Variants in TEAD1 observed in about 807,000 individuals in gnomAD.
The protein encoded by TEAD1 is transcriptional enhancer factor TEF-1.
A neutral mutation model predicts 54.9 loss-of-function variants in TEAD1; 9 were observed. The ratio of observed to expected loss-of-function variants is 0.16; its 90% confidence interval spans 0.10 to 0.29. The LOEUF is 0.29. Ranked by LOEUF, TEAD1 falls within the 10% of genes least tolerant of loss-of-function variation. The probability of loss-of-function intolerance (pLI) is 1.00; values close to 1 mark genes in which losing one functional copy is unlikely to be tolerated. For synonymous variants in TEAD1, 200 were observed against 187.8 expected, an observed-to-expected ratio of 1.07 and a Z score of -0.53; for missense variants, 387 against 535.9, an observed-to-expected ratio of 0.72 and a Z score of 2.74.
At chr11:12,779,248 T>C (rs912344287) in intron 3 of TEAD1, among the ~76,000 whole-genome samples, 1 of 152,150 alleles carries the variant, frequency 6.6e-6, no homozygotes, top group African/African-American at 2.4e-5. Flanking sequence ...AGCAATGAAC[T>C]AAGTAAACTC....
At chr11:12,835,424 T>C (rs1381898442) in intron 3 of TEAD1, among the ~76,000 whole-genome samples, 7 of 151,944 alleles carry the variant, frequency 4.6e-5, no homozygotes, top group African/African-American at 1.7e-4. Context: ...TCACTGCAGC[T>C]TCAGCCTCCC....
chr11:12,727,428 G>T (rs547100625), intron 2 of TEAD1, among the ~76,000 whole-genome samples: 15 of 152,250 alleles, frequency 9.9e-5, no homozygotes, highest in African/African-American at 3.4e-4. Context: ...TAGGCGCTTC[G>T]CATCTCTGAA....
intron 5 of TEAD1, among the ~76,000 whole-genome samples, chr11:12,871,815 T>A (rs1298766127): frequency 6.6e-6 from 1 of 152,100 alleles, no homozygotes; most frequent in Non-Finnish European, 1.5e-5. Flanking sequence ...CGCCGTGCCC[T>A]CCGCTCGGCA....
chr11:12,921,295 G>C (rs1948799630), intron 10 of TEAD1: 1 of 152,172 alleles, frequency 6.6e-6, no homozygotes, highest in African/African-American at 2.4e-5. Flanking sequence ...CCAGCACTTT[G>C]GGAGGCCGAG....
At chr11:12,822,435 T>C (rs1216483394) in intron 3 of TEAD1, 1 of 152,210 alleles carries the variant, frequency 6.6e-6, no homozygotes, top group African/African-American at 2.4e-5. Flanking sequence ...GGAGATGGGA[T>C]AGTGTGTGGT....
At chr11:12,839,834 T>C (rs575056777) in intron 3 of TEAD1, among the ~76,000 whole-genome samples, 1 of 152,286 alleles carries the variant, frequency 6.6e-6, no homozygotes, top group African/African-American at 2.4e-5. Context: ...AAAGCCCACA[T>C]TGAAGGTAAT....
At chr11:12,725,791 C>T (rs192826602) in intron 2 of TEAD1, among the ~76,000 whole-genome samples, 329 of 152,250 alleles carry the variant, frequency 2.2e-3, no homozygotes, top group East Asian at 7.7e-3. Flanking sequence ...GATGCCTGGT[C>T]GAGCTGGTTG....
At chr11:12,727,613 C>A (rs1944339313) in intron 2 of TEAD1, among the ~76,000 whole-genome samples, 1 of 152,216 alleles carries the variant, frequency 6.6e-6, no homozygotes, top group South Asian at 2.1e-4. Flanking sequence ...ATATACCATA[C>A]TCTGTACTGT....
chr11:12,869,955 T>C (rs1019909309), intron 5 of TEAD1, among the ~76,000 whole-genome samples: 4 of 152,014 alleles, frequency 2.6e-5, no homozygotes, highest in African/African-American at 9.7e-5. Flanking sequence ...TCTCGGCTCA[T>C]TGCAACCTCC....
intron 11 of TEAD1, among the ~76,000 whole-genome samples, 188 bp downstream of exon 11, chr11:12,925,240 A>G (rs1948884719): frequency 1.3e-5 from 2 of 152,188 alleles, no homozygotes; most frequent in Non-Finnish European, 2.9e-5. Flanking sequence ...TGTTTCATTG[A>G]CTCACAGTTC....
chr11:12,921,164 A>G (rs1948797659), intron 10 of TEAD1: 1 of 152,220 alleles, frequency 6.6e-6, no homozygotes, highest in South Asian at 2.1e-4. Flanking sequence ...GGAGGTTGGC[A>G]AATTTTGGGG....
intron 3 of TEAD1, among the ~76,000 whole-genome samples, chr11:12,808,481 T>A (rs1360992644): frequency 6.6e-6 from 1 of 152,158 alleles, no homozygotes; most frequent in Non-Finnish European, 1.5e-5. Context: ...CTCAGTTTTT[T>A]TGTTTTTGTT....
chr11:12,825,997 C>T (rs902035125), intron 3 of TEAD1, among the ~76,000 whole-genome samples: 2 of 152,232 alleles, frequency 1.3e-5, no homozygotes, highest in African/African-American at 4.8e-5. Context: ...AAATTCTTAC[C>T]GCACACGGTA....
chr11:12,893,643 C>G (rs1418791078), intron 9 of TEAD1, among the ~76,000 whole-genome samples: 1 of 152,098 alleles, frequency 6.6e-6, no homozygotes, highest in African/African-American at 2.4e-5. Flanking sequence ...AAGACACACT[C>G]CTGTCTGAGG....
intron 3 of TEAD1, among the ~76,000 whole-genome samples, chr11:12,846,741 CT>C (rs1330600445): frequency 7.2e-5 from 11 of 152,144 alleles, no homozygotes; most frequent in Non-Finnish European, 1.5e-4. Context: ...GTTATGCTCT[CT>C]GTCAGTGGTG....
rs556618073 is a variant in TEAD1, at chr11:12,884,654, A to G, written c.699+1529A>G. Among the ~76,000 whole-genome samples the G allele has an allele frequency of 6.6e-5, 10 of 152,314 alleles. No homozygotes were observed. The South Asian group carries it at 2.1e-3, about 32-fold the overall frequency. On this transcript the variant is annotated intron_variant, in intron 9 of 12. Transcript: ENST00000527636. ...GAACTTTGGGAGCTGGTGGAAAAAT[A>G]GAGCTGCTTCCAAATTAGGGGGAAA...
In TEAD1 at chr11:12,816,847, C is replaced by T. The variant is rs79405472; in HGVS notation, c.203-45403C>T. ...CAAAGTGGGACACAGGTGATGATGG[C>T]ATTACAATGAGAATGTAGAGAACCT... On this transcript the variant is annotated intron_variant, in intron 3 of 12. Transcript: ENST00000527636. Among the ~76,000 whole-genome samples, 26 of 152,248 alleles carry T rather than the reference C, an allele frequency of 1.7e-4. No homozygotes were observed. The East Asian group carries it at 4.8e-3, about 28-fold the overall frequency.
chr11:12,936,041 A>G (rs1040446746), intron 12 of TEAD1, among the ~76,000 whole-genome samples: 12 of 152,216 alleles, frequency 7.9e-5, no homozygotes, highest in African/African-American at 1.9e-4. Flanking sequence ...AATTAGGCCT[A>G]TAACAAACTG....
rs997998705 is a variant in TEAD1, at chr11:12,697,186, A to G, written c.-55+21625A>G. Among the ~76,000 whole-genome samples, 51 of 152,018 alleles carry G rather than the reference A, an allele frequency of 3.4e-4. 1 individual carries two copies. The highest frequency in any genetic ancestry group is 2.8e-3 in the Admixed American group (42 of 15,256). ...CTCCCTGCCCGCCCATCCCTGAGCAATGTGGAAGGCATGCTGTCAGTGGCC... is the reference window on the plus strand; with the variant it reads ...CTCCCTGCCCGCCCATCCCTGAGCAGTGTGGAAGGCATGCTGTCAGTGGCC... On this transcript the variant is annotated intron_variant, in intron 2 of 12. Coordinates refer to ENST00000527636, the MANE Select transcript of TEAD1 (RefSeq NM_021961.6).
Sources: gnomAD v4.1 joint callset for allele counts (sites outside exome capture counted in the v4.1 genomes callset) on GRCh38, gnomAD v4.1.1 for gene constraint, MANE v1.5 for transcripts, NCBI Gene and HGNC (gene_info 2026-07-23, HGNC 2026-07-21) for gene names.